Variants in FRMD4A observed in about 807,000 individuals in gnomAD.
The protein encoded by FRMD4A is FERM domain-containing protein 4A.
A neutral mutation model predicts 129.1 loss-of-function variants in FRMD4A; 29 were observed. The ratio of observed to expected loss-of-function variants is 0.22; its 90% CI spans 0.17 to 0.31. FRMD4A has a LOEUF of 0.31. FRMD4A is among the 10% of genes least tolerant of loss of function. The probability of loss-of-function intolerance (pLI) is 1.00; values close to 1 mark genes in which losing one functional copy is unlikely to be tolerated. For missense variants in FRMD4A, 1,272 were observed against 1,375.8 expected, an observed-to-expected ratio of 0.92 and a Z score of 1.19; for synonymous variants, 634 against 571.6, an observed-to-expected ratio of 1.11 and a Z score of -1.56.
chr10:13,864,577 CTTTTTTTTTTT>C (rs60899227), intron 2 of FRMD4A, among the ~76,000 whole-genome samples: 8 of 136,996 alleles, frequency 5.8e-5, no homozygotes, highest in African/African-American at 1.9e-4. Context: ...TTCTTTCTTT[CTTTTTTTTTTT>C]TTTTTGAGCC....
At chr10:14,313,763 C>T (rs540804244) in intron 2 of FRMD4A, among the ~76,000 whole-genome samples, 3 of 152,254 alleles carry the variant, frequency 2.0e-5, no homozygotes, top group East Asian at 3.9e-4. Context: ...CCCTAAGAAA[C>T]TCATGTAACA....
intron 2 of FRMD4A, among the ~76,000 whole-genome samples, chr10:14,238,338 G>A (rs1343534787): frequency 6.6e-6 from 1 of 152,114 alleles, no homozygotes; most frequent in Admixed American, 6.6e-5. Context: ...AATGAGTCCA[G>A]GCCTGAGTCT....
At chr10:13,722,487 C>T (rs2134981775) in intron 12 of FRMD4A, among the ~76,000 whole-genome samples, 1 of 151,228 alleles carries the variant, frequency 6.6e-6, no homozygotes, top group African/African-American at 2.4e-5. Context: ...CTCAAGCAAT[C>T]CTCCCGCCTC....
Position 13,647,035 on chromosome 10 carries a change from C to G in FRMD4A, c.*3G>C. The G allele has an allele frequency of 1.1e-6, 1 of 906,266 alleles. No individual in the cohort carries two copies. The highest frequency in any genetic ancestry group is 1.3e-6 in the Non-Finnish European group (1 of 757,198). The allele number at this position is 906,266 out of a possible 1,614,324, so 56.1% of individuals were successfully genotyped here. On this transcript the variant is annotated splice_region_variant and 3_prime_UTR_variant, in exon 25 of 25. Coordinates refer to ENST00000357447, the MANE Select transcript of FRMD4A (RefSeq NM_018027.5). ...CCAGGAAACAGCTATCATTGTAGCT[C>G]CTGTGGGAGGCCCAAGAAAGGAGAT...
rs191409776 is a variant in FRMD4A, at chr10:13,873,048, C to T, written c.46-14136G>A. 1.8e-4 allele frequency among the ~76,000 whole-genome samples: 27 copies of T among 151,850 alleles called. No homozygotes were observed. The East Asian group carries it at 3.1e-3, about 17-fold the overall frequency. ...AAAATTAGCCGGGCATGGTGGTGAA[C>T]GCCTATAGTCCTAGCTACTTGGGAG... On this transcript the variant is annotated intron_variant, in intron 2 of 24. Coordinates refer to ENST00000357447, the MANE Select transcript of FRMD4A (RefSeq NM_018027.5).
intron 2 of FRMD4A, among the ~76,000 whole-genome samples, chr10:14,258,195 C>T (rs1844681290): frequency 6.6e-6 from 1 of 151,160 alleles, no homozygotes; most frequent in South Asian, 2.1e-4. Context: ...AAATATAGAA[C>T]TTATACTCTT....
intron 8 of FRMD4A, 114 bp from the exon 9 acceptor site, chr10:13,747,933 AT>A: frequency 1.4e-6 from 1 of 701,328 alleles, no homozygotes; most frequent in South Asian, 1.6e-5. Context: ...TTCCCTGTTA[AT>A]AAAAAGCAGT....
At chr10:14,146,410 T>TCAACACAACA (rs772228665) in intron 2 of FRMD4A, among the ~76,000 whole-genome samples, 1 of 152,094 alleles carries the variant, frequency 6.6e-6, no homozygotes, top group South Asian at 2.1e-4. Flanking sequence ...ACAATATAAT[T>TCAACACAACA]CAACACAACA....
chr10:13,939,401 A>G (rs2095273666), intron 2 of FRMD4A, among the ~76,000 whole-genome samples: 1 of 152,216 alleles, frequency 6.6e-6, no homozygotes, highest in African/African-American at 2.4e-5. Flanking sequence ...TTCAGGAAGC[A>G]TTTTAGCTTG....
At chr10:14,224,086 A>G (rs2895596) in intron 2 of FRMD4A, among the ~76,000 whole-genome samples, 117,612 of 151,716 alleles carry the variant, frequency 0.78, 46,939 homozygotes, top group Middle Eastern at 0.92. Flanking sequence ...GCTCTCACAA[A>G]CAGGACGGGG....
intron 2 of FRMD4A, among the ~76,000 whole-genome samples, chr10:14,221,253 G>C (rs1843250232): frequency 1.3e-5 from 2 of 152,180 alleles, no homozygotes; most frequent in African/African-American, 4.8e-5. Flanking sequence ...GCACAGTTGT[G>C]AGAGCTTAGC....
At chr10:14,232,108 A>G (rs1042907038) in intron 2 of FRMD4A, among the ~76,000 whole-genome samples, 2 of 152,136 alleles carry the variant, frequency 1.3e-5, no homozygotes, top group Admixed American at 6.5e-5. Flanking sequence ...ATTTTTGTAT[A>G]TGGAGAAAGG....
At chr10:13,692,785 G>A (rs1171131341) in intron 15 of FRMD4A, 1 of 152,196 alleles carries the variant, frequency 6.6e-6, no homozygotes, top group Non-Finnish European at 1.5e-5. Flanking sequence ...AATTACCAGG[G>A]AAGATTTCTT....
chr10:13,804,393 G>C (rs2093319658), intron 4 of FRMD4A, among the ~76,000 whole-genome samples: 3 of 152,118 alleles, frequency 2.0e-5, no homozygotes, highest in Admixed American at 2.0e-4. Flanking sequence ...CCTTTTCAGA[G>C]GCCCCAGCTG....
intron 2 of FRMD4A, among the ~76,000 whole-genome samples, chr10:13,930,220 C>T (rs1289209539): frequency 6.6e-6 from 1 of 152,200 alleles, no homozygotes; most frequent in East Asian, 1.9e-4. Flanking sequence ...CGGGTCTGCA[C>T]AGGACTGAAT....
At chr10:13,995,570 G>A (rs2095619533) in intron 2 of FRMD4A, among the ~76,000 whole-genome samples, 1 of 152,206 alleles carries the variant, frequency 6.6e-6, no homozygotes, top group African/African-American at 2.4e-5. Context: ...GGGCAACAGA[G>A]CAAGACTCTG....
intron 2 of FRMD4A, among the ~76,000 whole-genome samples, chr10:14,318,150 A>G (rs1846818212): frequency 6.6e-6 from 1 of 152,198 alleles, no homozygotes; most frequent in Non-Finnish European, 1.5e-5. Context: ...CCTGAACAAT[A>G]TTAATGACCA....
chr10:14,050,234 C>G (rs1395902412), intron 2 of FRMD4A, among the ~76,000 whole-genome samples: 1 of 152,214 alleles, frequency 6.6e-6, no homozygotes. Flanking sequence ...TGCTCTCACT[C>G]ACCAAACTGT....
chr10:13,669,035 GGAACTGCCTAACT>G (rs2083289569), intron 17 of FRMD4A, among the ~76,000 whole-genome samples: 1 of 149,676 alleles, frequency 6.7e-6, no homozygotes, highest in Non-Finnish European at 1.5e-5. Context: ...TTACAGACCA[GGAACTGCCTAACT>G]GAGCTTTAGT....
Sources: gnomAD v4.1 joint callset for allele counts (sites outside exome capture counted in the v4.1 genomes callset) on GRCh38, gnomAD v4.1.1 for gene constraint, MANE v1.5 for transcripts, NCBI Gene and HGNC (gene_info 2026-07-23, HGNC 2026-07-21) for gene names.